RTN3: variants seen among roughly 807,000 people sequenced by gnomAD.
RTN3 encodes reticulon-3.
RTN3 carries 49 observed loss-of-function variants against 77.8 expected under a neutral mutation model. That is an observed-to-expected ratio of 0.63 (90% CI 0.50 to 0.80). The LOEUF is 0.80. RTN3 is among the 30% of genes least tolerant of loss of function. RTN3 has a pLI of 0.00. For missense variants in RTN3, 1,236 were observed against 1,211.9 expected (o/e 1.02, Z -0.29); for synonymous variants, 464 against 446.9 (o/e 1.04, Z -0.48).
rs1240802655 is a variant in RTN3, at chr11:63,758,969, C to T, written c.*768C>T. The T allele has an allele frequency of 6.6e-6, 1 of 152,242 alleles. No individual in the cohort carries two copies. The highest frequency in any genetic ancestry group is 1.5e-5 in the Non-Finnish European group (1 of 68,078). The allele number at this position is 152,242 out of a possible 1,614,324, so 9.4% of individuals were successfully genotyped here. A position where few individuals can be genotyped will look rare whatever the true frequency, so the allele number is the denominator to read the frequency against. ...CCGGTTCTGAGCATTAGTTTGAGAA[C>T]TCGTTCCCGAATGTGCTTTCCTCCC... On this transcript the variant is annotated 3_prime_UTR_variant, in exon 9 of 9. Coordinates refer to ENST00000377819, the MANE Select transcript of RTN3 (RefSeq NM_001265589.2).
chr11:63,692,271 C>G (rs1941701987), intron 1 of RTN3, among the ~76,000 whole-genome samples: 1 of 152,166 alleles, frequency 6.6e-6, no homozygotes. Context: ...CGTCCATCAA[C>G]CTCGGCCTCC....
Position 63,733,611 on chromosome 11 carries a change from T to G in RTN3, c.2530+12579T>G, listed in dbSNP as rs2012855466. 3.3e-5 allele frequency among the ~76,000 whole-genome samples: 5 copies of G among 152,262 alleles called. No individual in the cohort carries two copies. The South Asian group carries it at 1.0e-3, about 32-fold the overall frequency. The stretch of plus-strand genomic sequence containing the variant: ...TTGGCTGAGTGCAGTGGCTCATTCC[T>G]GTAATCTCAACACTCTGGGAGGCTG... On this transcript the variant is annotated intron_variant, in intron 3 of 8. Coordinates refer to ENST00000377819, the MANE Select transcript of RTN3 (RefSeq NM_001265589.2).
intron 7 of RTN3, among the ~76,000 whole-genome samples, chr11:63,754,946 G>T (rs1036438638): frequency 8.3e-5 from 7 of 84,132 alleles, no homozygotes; most frequent in South Asian, 3.9e-4. Flanking sequence ...AAAAAAAAAT[G>T]CTTAGATGAA....
chr11:63,720,995 A>G lies in RTN3; in HGVS notation c.2493A>G (p.Lys831=), dbSNP rs749316283. The change falls in exon 3 of 9, where the codon AAA becomes AAG. Residue 831 remains lysine, a synonymous_variant. Coordinates refer to ENST00000377819, the MANE Select transcript of RTN3 (RefSeq NM_001265589.2). ...GCCTTAGCAAGACTGAATTGGTAAAAAAGCATGTCCTAGCAAGACTTCTGA... is the reference window on the plus strand; with the variant it reads ...GCCTTAGCAAGACTGAATTGGTAAAGAAGCATGTCCTAGCAAGACTTCTGA... ...VSSLSKTELV[K]KHVLARLLTD... 5.6e-6 allele frequency: 9 copies of G among 1,609,294 alleles called. No individual in the cohort carries two copies. The highest frequency in any genetic ancestry group is 8.5e-7 in the Non-Finnish European group (1 of 1,176,826).
chr11:63,750,978 C>T (rs12291411), intron 4 of RTN3, among the ~76,000 whole-genome samples: 1,981 of 152,214 alleles, frequency 0.013, 45 homozygotes, highest in African/African-American at 0.045. Flanking sequence ...GTGATCCACC[C>T]GCCTCTGCCT....
At chr11:63,757,722 CTTTTTTTT>C (rs71039672) in intron 8 of RTN3, among the ~76,000 whole-genome samples, 19 of 106,352 alleles carry the variant, frequency 1.8e-4, no homozygotes, top group Admixed American at 1.0e-3. Context: ...TTCTTTTTTT[CTTTTTTTT>C]TTTTTTTTTG....
chr11:63,736,408 C>T (rs2013124626), intron 3 of RTN3, among the ~76,000 whole-genome samples: 1 of 152,146 alleles, frequency 6.6e-6, no homozygotes, highest in Admixed American at 6.5e-5. Context: ...AATATAAAGG[C>T]CAGGCGTGGT....
intron 1 of RTN3, among the ~76,000 whole-genome samples, chr11:63,694,111 C>T (rs1189668673): frequency 2.6e-5 from 4 of 151,564 alleles, no homozygotes; most frequent in Admixed American, 1.3e-4. Flanking sequence ...AGACAGAAGA[C>T]CCTGTCTCAA....
At chr11:63,710,543 A>C (rs2011135530) in intron 2 of RTN3, among the ~76,000 whole-genome samples, 1 of 152,192 alleles carries the variant, frequency 6.6e-6, no homozygotes, top group Non-Finnish European at 1.5e-5. Flanking sequence ...TGTTTAAAGT[A>C]GGCACGGGAA....
chr11:63,749,353 T>A lies in RTN3; in HGVS notation c.2531-638T>A, dbSNP rs17657473. On this transcript the variant is annotated intron_variant, in intron 3 of 8. Transcript: ENST00000377819. Reference sequence around the variant, plus strand: ...ATACATAATCCTTCCTGAATTCTTTTCAGATTAACATTGAGACTGGTGTTT... The same window carrying A: ...ATACATAATCCTTCCTGAATTCTTTACAGATTAACATTGAGACTGGTGTTT... Among the ~76,000 whole-genome samples, 439 of 152,276 alleles carry A rather than the reference T, an allele frequency of 2.9e-3. 2 individuals carry two copies. Among genetic ancestry groups the A allele is most frequent in the Non-Finnish European group, 3.5e-3 (235 of 68,018 alleles).
At chr11:63,714,922 T>A (rs1244894109) in intron 2 of RTN3, among the ~76,000 whole-genome samples, 2 of 152,216 alleles carry the variant, frequency 1.3e-5, no homozygotes, top group Non-Finnish European at 2.9e-5. Context: ...GAGATTATTC[T>A]ACACCTAACT....
intron 3 of RTN3, chr11:63,746,810 G>T (rs950813231): frequency 5.5e-6 from 2 of 364,756 alleles, no homozygotes; most frequent in Non-Finnish European, 1.1e-5. Flanking sequence ...CACCGCACCC[G>T]GCTGTTAAGG....
chr11:63,759,707 G>A lies in RTN3; in HGVS notation c.*1506G>A, dbSNP rs1468959920. ...TGTTTAGATAATTGAAGAGATCTTT[G>A]TGCCACACAGGATTTTTTTTTTTTT... is the stretch of plus-strand genomic sequence containing the variant. On this transcript the variant is annotated 3_prime_UTR_variant, in exon 9 of 9. Transcript: ENST00000377819. 1 of 125,942 alleles carries A rather than the reference G, an allele frequency of 7.9e-6. No individual in the cohort carries two copies. Among genetic ancestry groups the A allele is most frequent in the African/African-American group, 3.0e-5 (1 of 32,986 alleles). The allele number at this position is 125,942 out of a possible 1,614,324, so 7.8% of individuals were successfully genotyped here.
intron 3 of RTN3, among the ~76,000 whole-genome samples, chr11:63,743,387 A>G (rs2013600593): frequency 1.3e-5 from 2 of 152,128 alleles, no homozygotes; most frequent in African/African-American, 4.8e-5. Flanking sequence ...TCAGGAATGA[A>G]TGTTGGATTT....
chr11:63,749,154 C>A (rs2013969512), intron 3 of RTN3, among the ~76,000 whole-genome samples: 1 of 152,142 alleles, frequency 6.6e-6, no homozygotes. Context: ...GTGGCACATA[C>A]CTGTAGTCCT....
chr11:63,704,010 AT>A (rs1188585982), intron 1 of RTN3, among the ~76,000 whole-genome samples: 15 of 146,682 alleles, frequency 1.0e-4, no homozygotes, highest in African/African-American at 2.8e-4. Context: ...TAATTAATTT[AT>A]TTTTTTTTTG....
intron 3 of RTN3, among the ~76,000 whole-genome samples, chr11:63,740,146 TC>T (rs1469718628): frequency 1.3e-5 from 2 of 152,212 alleles, no homozygotes. Flanking sequence ...GTCCTCTGTC[TC>T]CGTATATCAT....
chr11:63,741,930 A>G (rs558467281), intron 3 of RTN3, among the ~76,000 whole-genome samples: 1 of 151,508 alleles, frequency 6.6e-6, no homozygotes, highest in African/African-American at 2.4e-5. Context: ...ATTTAAAATC[A>G]GGTCATGTTA....
intron 3 of RTN3, among the ~76,000 whole-genome samples, chr11:63,744,297 AAAAT>A (rs1362007393): frequency 1.3e-5 from 2 of 152,016 alleles, no homozygotes; most frequent in African/African-American, 4.8e-5. Context: ...AACACATTAA[AAAAT>A]AAATAATTTC....
Sources: allele counts gnomAD v4.1 joint callset (sites outside exome capture counted in the v4.1 genomes callset), GRCh38; gene constraint gnomAD v4.1.1; transcripts MANE v1.5; gene names NCBI Gene and HGNC (gene_info 2026-07-23, HGNC 2026-07-21).